TRPM5: variants seen among roughly 807,000 people sequenced by gnomAD.
TRPM5 encodes transient receptor potential cation channel subfamily M member 5.
A neutral mutation model predicts 124.9 loss-of-function variants in TRPM5; 121 were observed. The observed-to-expected ratio is 0.97, with a 90% CI of 0.84 to 1.13. TRPM5 has a LOEUF of 1.13. TRPM5 is among the 50% of genes most tolerant of loss of function. The probability of loss-of-function intolerance (pLI) is 0.00; values close to 1 mark genes in which losing one functional copy is unlikely to be tolerated. For missense variants in TRPM5, 1,643 were observed against 1,589.1 expected, an observed-to-expected ratio of 1.03 and a Z score of -0.58; for synonymous variants, 781 against 700.5, an observed-to-expected ratio of 1.11 and a Z score of -1.81.
intron 18 of TRPM5, among the ~76,000 whole-genome samples, chr11:2,408,614 C>A (rs1257896494): frequency 1.3e-5 from 2 of 152,208 alleles, no homozygotes; most frequent in Non-Finnish European, 2.9e-5. Context: ...GGTGGCAGAT[C>A]TCACTCCAGT....
intron 18 of TRPM5, chr11:2,410,784 TG>T: frequency 2.4e-6 from 1 of 419,916 alleles, no homozygotes; most frequent in Admixed American, 2.8e-5. Context: ...CACATTGGGG[TG>T]GGTCCCCAGG....
chr11:2,411,649 C>T (rs1397971683), exon 17 of TRPM5: 37 of 1,612,310 alleles, frequency 2.3e-5, no homozygotes, highest in Non-Finnish European at 3.0e-5. Flanking sequence ...CGCTCTACCA[C>T]GATGATCTTG....
intron 4 of TRPM5, among the ~76,000 whole-genome samples, chr11:2,419,472 C>T (rs961850223): frequency 3.3e-5 from 5 of 149,890 alleles, no homozygotes; most frequent in East Asian, 2.0e-4. Context: ...AAAAAAGAGC[C>T]GGGCATGGTG....
intron 22 of TRPM5, 88 bp downstream of exon 27, chr11:2,405,931 G>C: frequency 8.1e-7 from 1 of 1,234,790 alleles, no homozygotes; most frequent in Non-Finnish European, 1.2e-6. Flanking sequence ...ATCTCTGTGA[G>C]TGACCGGGCA....
At chr11:2,436,707 A>G in the TRPM5 span, among the ~76,000 whole-genome samples, 1 of 152,224 alleles carries the variant, frequency 6.6e-6, no homozygotes, top group Non-Finnish European at 1.5e-5. Flanking sequence ...AACCTCCCAC[A>G]CAAGGTGATG....
chr11:2,420,891 G>T lies in TRPM5; in HGVS notation c.465+141C>A. The T allele has an allele frequency of 4.1e-6, 4 of 984,972 alleles. No individual in the cohort carries two copies. The South Asian group carries it at 5.2e-5, about 13-fold the overall frequency. The allele number at this position is 984,972 out of a possible 1,614,324, so 61.0% of individuals were successfully genotyped here. Reference sequence around the variant, plus strand: ...CCCTATGCGGTACTGCCACCTGCCGGCCGTGTGCTGGCTCTGCCCGCTCCC... The same window carrying T: ...CCCTATGCGGTACTGCCACCTGCCGTCCGTGTGCTGGCTCTGCCCGCTCCC... On this transcript the variant is annotated intron_variant, in intron 3 of 23. Transcript: ENST00000155858.
At chr11:2,428,083 C>G in the TRPM5 span, among the ~76,000 whole-genome samples, 129 of 152,290 alleles carry the variant, frequency 8.5e-4, no homozygotes, top group African/African-American at 3.0e-3. This position sits in a 1 kb window ranked among gnomAD's most constrained non-coding sequence, Gnocchi z 4.0. Flanking sequence ...GAGTGTGCCT[C>G]TGGAATCCCG....
At chr11:2,413,253 C>A in intron 13 of TRPM5, 27 bp from the exon 19 acceptor site, 1 of 1,511,078 alleles carries the variant, frequency 6.6e-7, no homozygotes, top group Non-Finnish European at 8.8e-7. Flanking sequence ...GCTCAGGGCC[C>A]GCAGGAAGGG....
intron 19 of TRPM5, 30 bp downstream of exon 24, chr11:2,407,729 C>G: frequency 6.2e-7 from 1 of 1,610,322 alleles, no homozygotes; most frequent in Non-Finnish European, 8.5e-7. Flanking sequence ...CGCTCCAGGG[C>G]TCTCTCCTCC....
At chr11:2,412,798 G>A (rs1850478259) in exon 15 of TRPM5, 1 of 1,607,300 alleles carries the variant, frequency 6.2e-7, no homozygotes, top group South Asian at 1.1e-5. Context: ...CAGAAGTAGA[G>A]GGTGACCTCG....
upstream of TRPM5, among the ~76,000 whole-genome samples, chr11:2,423,572 G>T (rs948050365): frequency 6.6e-6 from 1 of 152,174 alleles, no homozygotes; most frequent in African/African-American, 2.4e-5. Flanking sequence ...GTGGACGAGA[G>T]ACCACCTTCC....
intron 4 of TRPM5, among the ~76,000 whole-genome samples, chr11:2,418,795 C>T (rs2133529335): frequency 6.6e-6 from 1 of 152,344 alleles, no homozygotes; most frequent in South Asian, 2.1e-4. Flanking sequence ...ACCTACACTA[C>T]CCAGCACGCG....
upstream of TRPM5, among the ~76,000 whole-genome samples, chr11:2,426,594 G>A (rs964819862): frequency 3.3e-5 from 5 of 152,172 alleles, no homozygotes; most frequent in Admixed American, 6.5e-5. Context: ...ACCTGTAGCC[G>A]CAGCCAAGAG....
At chr11:2,412,322 C>T in intron 15 of TRPM5, 69 bp from the exon 21 acceptor site, 2 of 963,222 alleles carry the variant, frequency 2.1e-6, no homozygotes, top group South Asian at 1.6e-5. Flanking sequence ...CCTACCTGGA[C>T]AAGCTTGGAT....
At chr11:2,416,984 C>T (rs992862638) in intron 7 of TRPM5, among the ~76,000 whole-genome samples, 1 of 152,184 alleles carries the variant, frequency 6.6e-6, no homozygotes, top group South Asian at 2.1e-4. Context: ...TGCAGGGAAC[C>T]ATGGACACGA....
chr11:2,424,635 G>T (rs748683297), upstream of TRPM5, among the ~76,000 whole-genome samples: 41 of 152,372 alleles, frequency 2.7e-4, no homozygotes, highest in Non-Finnish European at 5.7e-4. Flanking sequence ...TGGGTGATGT[G>T]GCCACAAGCC....
the TRPM5 span, among the ~76,000 whole-genome samples, chr11:2,440,868 T>A: frequency 1.9e-3 from 292 of 152,236 alleles, 6 homozygotes; most frequent in South Asian, 0.019. This position sits in a 1 kb window ranked among gnomAD's most constrained non-coding sequence, Gnocchi z 5.2. Context: ...CAGATGCTGA[T>A]CTCACAGCAG....
exon 14 of TRPM5, chr11:2,413,183 G>A (rs1384472703): frequency 1.3e-6 from 2 of 1,551,808 alleles, no homozygotes; most frequent in South Asian, 1.2e-5. Context: ...AGGCTGTCCA[G>A]GTCCTGCAGG....
rs758024932 is a variant in TRPM5 at position 2,422,905 on chromosome 11, G to T, written c.117+15C>A. The stretch of plus-strand genomic sequence containing the variant: ...TCAAGGCGGACATCACCTGAGGCCT[G>T]GGGCCTGCCCTTACCTTGCCTCGCT... On this transcript the variant is annotated intron_variant, in intron 1 of 23. Coordinates refer to ENST00000155858, the Ensembl canonical transcript of TRPM5. The T allele has an allele frequency of 1.2e-6, 2 of 1,606,984 alleles. No individual in the cohort carries two copies. Among genetic ancestry groups the T allele is most frequent in the Admixed American group, 3.3e-5 (2 of 59,996 alleles).
Sources: allele counts gnomAD v4.1 joint callset (sites outside exome capture counted in the v4.1 genomes callset), GRCh38; gene constraint gnomAD v4.1.1; non-coding constraint Gnocchi (gnomAD v3.1); transcripts MANE v1.5; gene names NCBI Gene and HGNC (gene_info 2026-07-23, HGNC 2026-07-21).